NIPBL: variants seen among roughly 807,000 people sequenced by gnomAD.
NIPBL encodes NIPBL cohesin loading factor.
In NIPBL, 19 loss-of-function variants were observed where a neutral mutation model predicts 321.8. The observed-to-expected ratio is 0.06, with a 90% CI of 0.04 to 0.09. The LOEUF is 0.09. Ranked by LOEUF, NIPBL falls within the 10% of genes least tolerant of loss-of-function variation. The probability of loss-of-function intolerance (pLI) is 1.00; values close to 1 mark genes in which losing one functional copy is unlikely to be tolerated. For missense variants in NIPBL, 2,210 were observed against 3,327.0 expected (o/e 0.66, Z 8.26); for synonymous variants, 1,106 against 1,114.1 (o/e 0.99, Z 0.14).
chr5:36,907,961 G>C (rs1169492589), intron 1 of NIPBL, among the ~76,000 whole-genome samples: 1 of 152,118 alleles, frequency 6.6e-6, no homozygotes, highest in Non-Finnish European at 1.5e-5. Context: ...AAAACATGCA[G>C]CTAAGCAGGT....
chr5:37,009,964 A>G (rs1164704396), intron 20 of NIPBL, 123 bp from the exon 21 acceptor site: 2 of 758,044 alleles, frequency 2.6e-6, no homozygotes, highest in Non-Finnish European at 4.6e-6. Flanking sequence ...TAAGAACACA[A>G]TAAGCACTAA....
At chr5:36,912,519 T>TTG (rs1372486006) in intron 1 of NIPBL, among the ~76,000 whole-genome samples, 4 of 150,478 alleles carry the variant, frequency 2.7e-5, no homozygotes, top group South Asian at 2.1e-4. Flanking sequence ...TTTTTTTTTT[T>TTG]GGGGATGGAA....
intron 32 of NIPBL, among the ~76,000 whole-genome samples, chr5:37,030,428 A>G (rs1219000361): frequency 1.3e-5 from 2 of 151,472 alleles, no homozygotes; most frequent in Non-Finnish European, 3.0e-5. Context: ...ATTATAACAT[A>G]TATGCATAAA....
chr5:36,904,894 C>T (rs1455430746), intron 1 of NIPBL, among the ~76,000 whole-genome samples: 1 of 152,162 alleles, frequency 6.6e-6, no homozygotes, highest in Non-Finnish European at 1.5e-5. Context: ...GACATGCCAT[C>T]CCTTTTGCCA....
intron 1 of NIPBL, among the ~76,000 whole-genome samples, chr5:36,892,434 C>T (rs1327905528): frequency 1.3e-5 from 2 of 152,208 alleles, no homozygotes; most frequent in Non-Finnish European, 2.9e-5. Flanking sequence ...CATCCCATTA[C>T]TGGCTATATA....
chr5:37,042,418 GA>G (rs1752504761), intron 34 of NIPBL, among the ~76,000 whole-genome samples: 1 of 152,024 alleles, frequency 6.6e-6, no homozygotes, highest in South Asian at 2.1e-4. Flanking sequence ...CTGGGTGACA[GA>G]ACGAGGCTCT....
intron 1 of NIPBL, among the ~76,000 whole-genome samples, chr5:36,890,582 A>G (rs919318795): frequency 4.6e-5 from 7 of 152,204 alleles, no homozygotes; most frequent in African/African-American, 1.4e-4. Flanking sequence ...CAAACGGTGT[A>G]TATCATTTCG....
rs991961265 is a variant in NIPBL at position 37,019,352 on chromosome 5, A to G, written c.4962A>G (p.Ala1654=). 1.2e-6 allele frequency: 2 copies of G among 1,613,418 alleles called. No individual in the cohort carries two copies. The highest frequency in any genetic ancestry group is 1.7e-6 in the Non-Finnish European group (2 of 1,179,516). Residue 1654 remains alanine (A), a synonymous_variant, in exon 25 of 47, where the codon GCA becomes GCG. Transcript: ENST00000282516. ...ATGAAATCCAACAATTACAAAAAGC[A>G]TTGCTTGATTACTTGGATGAAAACA... The part of the protein sequence containing the change: ...GEDEIQQLQK[A]LLDYLDENTE...
intron 1 of NIPBL, among the ~76,000 whole-genome samples, chr5:36,897,500 C>T (rs999752096): frequency 6.6e-5 from 10 of 152,108 alleles, no homozygotes; most frequent in African/African-American, 2.2e-4. Context: ...CCAAATAATA[C>T]ATGTCAACAG....
At chr5:36,877,562 A>G (rs1745185256) in intron 1 of NIPBL, among the ~76,000 whole-genome samples, 7 of 152,206 alleles carry the variant, frequency 4.6e-5, no homozygotes, top group Admixed American at 4.6e-4. Context: ...GGAGGCGGAA[A>G]CAATACAACT....
chr5:36,902,995 G>A (rs931598622), intron 1 of NIPBL, among the ~76,000 whole-genome samples: 1 of 152,038 alleles, frequency 6.6e-6, no homozygotes, highest in African/African-American at 2.4e-5. Context: ...TCCCTGGTTA[G>A]CTGTATTCCT....
chr5:36,942,734 CAAAA>C (rs34936238), intron 1 of NIPBL, among the ~76,000 whole-genome samples: 1 of 94,408 alleles, frequency 1.1e-5, no homozygotes. Flanking sequence ...GACTCTGTCT[CAAAA>C]AAAAAAAAAA....
At chr5:36,923,269 G>A (rs190984346) in intron 1 of NIPBL, among the ~76,000 whole-genome samples, 95 of 152,174 alleles carry the variant, frequency 6.2e-4, no homozygotes, top group African/African-American at 2.2e-3. Context: ...TCACACCACT[G>A]CACTCCAGCG....
chr5:37,026,183 C>A, intron 30 of NIPBL, 46 bp from the exon 31 acceptor site: 2 of 1,098,752 alleles, frequency 1.8e-6, no homozygotes, highest in Non-Finnish European at 2.8e-6. Flanking sequence ...TGTGAAATTG[C>A]CGTATTTGTT....
intron 1 of NIPBL, among the ~76,000 whole-genome samples, chr5:36,921,767 T>TG (rs1459623898): frequency 2.6e-5 from 4 of 152,200 alleles, no homozygotes; most frequent in African/African-American, 9.6e-5. Context: ...CTTAAAAACT[T>TG]TAACTGTATT....
intron 31 of NIPBL, among the ~76,000 whole-genome samples, 189 bp downstream of exon 31, chr5:37,026,516 G>T (rs1000146508): frequency 6.6e-6 from 1 of 152,098 alleles, no homozygotes; most frequent in Non-Finnish European, 1.5e-5. Flanking sequence ...CTTCCATATA[G>T]CCCTACTTCT....
chr5:37,014,827 T>C, intron 22 of NIPBL, 62 bp downstream of exon 22: 4 of 976,702 alleles, frequency 4.1e-6, no homozygotes, highest in Non-Finnish European at 6.6e-6. Context: ...AGTTCATTTT[T>C]TTAAAAAGAT....
chr5:36,938,901 TTG>T (rs1215347735), intron 1 of NIPBL, among the ~76,000 whole-genome samples: 1 of 152,180 alleles, frequency 6.6e-6, no homozygotes, highest in Non-Finnish European at 1.5e-5. Context: ...GTGTGTACAG[TTG>T]TGTGTACATA....
In NIPBL at chr5:36,976,199, C is replaced by T; in HGVS notation, c.1292C>T (p.Ala431Val). 6.2e-7 allele frequency: 1 copy of T among 1,612,664 alleles called. No homozygotes were observed. Among genetic ancestry groups the T allele is most frequent in the South Asian group, 1.1e-5 (1 of 90,870 alleles). The change falls in exon 9 of 47, where the codon GCA (alanine) becomes GTA (valine). Residue 431 changes from alanine to valine, a missense_variant. By Grantham distance (64) the Ala-to-Val change is moderately conservative. Transcript: ENST00000282516. ...CAAGAACAAACAGCATTCCTTCCAG[C>T]AAATCAAGTGCCTGTTTTACAACAG... ...SQQEQTAFLP[A>V]NQVPVLQQNT... is the part of the protein sequence containing the mutation.
Sources: gnomAD v4.1 joint callset for allele counts (sites outside exome capture counted in the v4.1 genomes callset) on GRCh38, gnomAD v4.1.1 for gene constraint, MANE v1.5 for transcripts, NCBI Gene and HGNC (gene_info 2026-07-23, HGNC 2026-07-21) for gene names.